The following MYH10 variants were observed in gnomAD, a reference collection of about 807,000 sequenced individuals.
MYH10 encodes myosin heavy chain 10.
A neutral mutation model predicts 257.8 loss-of-function variants in MYH10; 55 were observed. The observed-to-expected ratio is 0.21, with a 90% CI of 0.17 to 0.27. MYH10 has a LOEUF of 0.27. Ranked by LOEUF, MYH10 falls within the 10% of genes least tolerant of loss-of-function variation. The pLI is 1.00. For missense variants in MYH10, 1,631 were observed against 2,500.6 expected (o/e 0.65, Z 7.42); for synonymous variants, 854 against 921.7 (o/e 0.93, Z 1.33).
intron 30 of MYH10, among the ~76,000 whole-genome samples, chr17:8,498,342 G>A (rs35714964): frequency 0.5 from 76,233 of 151,762 alleles, 20,147 homozygotes; most frequent in Middle Eastern, 0.62. Flanking sequence ...GGTATCTGCA[G>A]GAGGTCCTGG....
At chr17:8,562,535 C>T (rs574982119) in intron 7 of MYH10, among the ~76,000 whole-genome samples, 20 of 152,202 alleles carry the variant, frequency 1.3e-4, no homozygotes, top group African/African-American at 3.9e-4. Context: ...AAATCTGTGC[C>T]GAAAATGCCC....
rs1214023703 is a variant in MYH10 at position 8,630,492 on chromosome 17, C to T, written c.-32+162G>A. Among the ~76,000 whole-genome samples, 19 of 152,160 alleles carry T rather than the reference C, an allele frequency of 1.2e-4. 1 individual carries two copies. ...TAAGGTCCCCGCAGCACAAACCCTA[C>T]AGCTCAGAAGCCCCTCTGTCTTCCC... On this transcript the variant is annotated intron_variant, in intron 1 of 42. Coordinates refer to ENST00000360416, the MANE Select transcript of MYH10 (RefSeq NM_001256012.3).
intron 2 of MYH10, among the ~76,000 whole-genome samples, chr17:8,614,382 A>C (rs2152093730): frequency 7.6e-6 from 1 of 132,084 alleles, no homozygotes; most frequent in African/African-American, 3.0e-5. Context: ...GCAGTGGTGC[A>C]ATCTCGGCTC....
intron 4 of MYH10, among the ~76,000 whole-genome samples, chr17:8,579,016 G>A (rs1430259561): frequency 2.0e-5 from 3 of 152,170 alleles, no homozygotes; most frequent in Middle Eastern, 6.8e-3. Flanking sequence ...CCGGCCACAG[G>A]GGCTCATCCT....
At chr17:8,487,959 T>C (rs938109337) in intron 35 of MYH10, among the ~76,000 whole-genome samples, 1 of 152,094 alleles carries the variant, frequency 6.6e-6, no homozygotes, top group African/African-American at 2.4e-5. Flanking sequence ...GGGTGGTTGC[T>C]AAGAGGTACA....
intron 1 of MYH10, among the ~76,000 whole-genome samples, chr17:8,628,977 T>C (rs994582014): frequency 6.6e-6 from 1 of 152,160 alleles, no homozygotes; most frequent in African/African-American, 2.4e-5. Context: ...ATATGCTTTC[T>C]CCAGATAAGG....
chr17:8,591,312 G>C (rs1338107585), intron 3 of MYH10, among the ~76,000 whole-genome samples: 2 of 152,186 alleles, frequency 1.3e-5, no homozygotes, highest in Non-Finnish European at 2.9e-5. Context: ...GCCACAGCTA[G>C]CTTTAATAGA....
intron 14 of MYH10, among the ~76,000 whole-genome samples, chr17:8,539,254 C>T (rs1321941504): frequency 2.0e-5 from 3 of 152,324 alleles, no homozygotes; most frequent in African/African-American, 4.8e-5. Context: ...CTAGGACACT[C>T]GCCAAATAAC....
At chr17:8,574,474 T>TA in intron 6 of MYH10, among the ~76,000 whole-genome samples, 2 of 152,182 alleles carry the variant, frequency 1.3e-5, no homozygotes, top group Non-Finnish European at 2.9e-5. Context: ...AAAGTGAATA[T>TA]ACTAAAAACA....
intron 2 of MYH10, among the ~76,000 whole-genome samples, chr17:8,617,088 C>A (rs1406650739): frequency 6.6e-6 from 1 of 151,972 alleles, no homozygotes; most frequent in Admixed American, 6.6e-5. Context: ...TTGCCCCAAC[C>A]TCACACCATA....
At chr17:8,514,119 T>G (rs1310180950) in intron 21 of MYH10, among the ~76,000 whole-genome samples, 1 of 152,196 alleles carries the variant, frequency 6.6e-6, no homozygotes, top group Non-Finnish European at 1.5e-5. Context: ...CACCAGTTCC[T>G]GCACTGACTT....
rs771888550 is a variant in MYH10, at chr17:8,490,508, C to T, written c.4716G>A (p.Val1572=). 3.7e-6 allele frequency: 6 copies of T among 1,614,102 alleles called. No individual in the cohort carries two copies. The highest frequency in any genetic ancestry group is 5.1e-6 in the Non-Finnish European group (6 of 1,180,056). ...EKSKRALEQQ[V]EEMRTQLEEL... ...CCTCCAGCTGGGTCCTCATTTCCTC[C>T]ACCTGCTGCTCTAGGGCCCGTTTGG... The change falls in exon 35 of 43, where the codon GTG becomes GTA. Residue 1572 remains valine (V), a synonymous_variant. Transcript: ENST00000360416. This position sits in a 1 kb window ranked among gnomAD's most constrained non-coding sequence, Gnocchi z 4.1.
At chr17:8,532,982 A>T (rs1268430061) in intron 16 of MYH10, among the ~76,000 whole-genome samples, 2 of 152,214 alleles carry the variant, frequency 1.3e-5, no homozygotes, top group Non-Finnish European at 2.9e-5. Context: ...TTCCATGCTT[A>T]TAATGTCAGT....
At chr17:8,479,500 G>A (rs1913296411) in intron 40 of MYH10, among the ~76,000 whole-genome samples, 1 of 152,224 alleles carries the variant, frequency 6.6e-6, no homozygotes, top group Admixed American at 6.5e-5. Context: ...TCCAAAGAAT[G>A]GAGTGGGAAG....
At chr17:8,580,842 CATAAA>C (rs1259339527) in intron 4 of MYH10, among the ~76,000 whole-genome samples, 3 of 151,898 alleles carry the variant, frequency 2.0e-5, no homozygotes, top group Non-Finnish European at 4.4e-5. Context: ...GAAGAACATA[CATAAA>C]ATAAATAAGA....
At chr17:8,533,649 G>A (rs1450648798) in intron 16 of MYH10, among the ~76,000 whole-genome samples, 1 of 152,106 alleles carries the variant, frequency 6.6e-6, no homozygotes, top group Non-Finnish European at 1.5e-5. Flanking sequence ...CTCTTTTAAG[G>A]ACAAGGAAAA....
intron 2 of MYH10, among the ~76,000 whole-genome samples, chr17:8,610,845 T>C (rs1237860887): frequency 3.9e-5 from 6 of 152,222 alleles, no homozygotes; most frequent in Admixed American, 3.3e-4. Context: ...TATTTTGTTA[T>C]AGCAACACAA....
At chr17:8,483,754 CAT>C (rs1236583956) in intron 37 of MYH10, among the ~76,000 whole-genome samples, 3 of 152,234 alleles carry the variant, frequency 2.0e-5, no homozygotes, top group Non-Finnish European at 2.9e-5. Flanking sequence ...TAAGTTATCA[CAT>C]GAGTAGTGCT....
At chr17:8,489,743 A>C (rs143446261) in intron 35 of MYH10, among the ~76,000 whole-genome samples, 32 of 150,154 alleles carry the variant, frequency 2.1e-4, no homozygotes, top group Non-Finnish European at 3.8e-4. Flanking sequence ...ACACACACAC[A>C]CACCCCAAAT....
Sources: gnomAD v4.1 joint callset for allele counts (sites outside exome capture counted in the v4.1 genomes callset) on GRCh38, gnomAD v4.1.1 for gene constraint, Gnocchi (gnomAD v3.1) non-coding constraint, MANE v1.5 for transcripts, NCBI Gene and HGNC (gene_info 2026-07-23, HGNC 2026-07-21) for gene names.